BRF1: variants seen among roughly 807,000 people sequenced by gnomAD.
BRF1 encodes transcription factor IIIB 90 kDa subunit.
In BRF1, 59 loss-of-function variants were observed where a neutral mutation model predicts 81.7. The ratio of observed to expected loss-of-function variants is 0.72; its 90% CI spans 0.59 to 0.90. The LOEUF is 0.90. Ranked by LOEUF, BRF1 falls within the 40% of genes least tolerant of loss-of-function variation. The pLI, the probability that BRF1 is intolerant of heterozygous loss-of-function variation, is 0.00. For missense variants in BRF1, 1,050 were observed against 936.3 expected, an observed-to-expected ratio of 1.12 and a Z score of -1.58; for synonymous variants, 491 against 395.6, an observed-to-expected ratio of 1.24 and a Z score of -2.86.
Position 105,272,792 on chromosome 14 carries a change from G to A in BRF1, c.368C>T (p.Thr123Ile). 1 of 1,614,020 alleles carries A rather than the reference G, an allele frequency of 6.2e-7. No homozygotes were observed. The highest frequency in any genetic ancestry group is 8.5e-7 in the Non-Finnish European group (1 of 1,180,006). The stretch of plus-strand genomic sequence containing the variant: ...CACGTGGGCCATCTTCCGGCCGCGG[G>A]TCAGGTGCCTGCTCACGGCCATCTT... ...FFKMAVSRHL[T>I]RGRKMAHVIA... The change falls in exon 3 of 18, where the codon ACC becomes ATC. Residue 123 changes from threonine (T) to isoleucine (I), a missense_variant. By Grantham distance (89) the Thr-to-Ile change is moderately conservative. Coordinates refer to ENST00000547530, the MANE Select transcript of BRF1 (RefSeq NM_001519.4).
In BRF1 at chr14:105,226,355, G is replaced by C. The variant is rs1347875383; in HGVS notation, c.916-65C>G. On this transcript the variant is annotated intron_variant, in intron 8 of 17. Coordinates refer to ENST00000547530, the MANE Select transcript of BRF1 (RefSeq NM_001519.4). ...CCTGGTGCACAGCGCAGCCTCTGGG[G>C]TGCCGCGTGGGCCCCAGGGACCACA... 1.9e-6 allele frequency: 3 copies of C among 1,603,386 alleles called. No homozygotes were observed. The African/African-American group carries it at 4.0e-5, about 21-fold the overall frequency.
intron 5 of BRF1, chr14:105,247,598 G>A (rs587640755): frequency 4.3e-5 from 42 of 985,446 alleles, no homozygotes; most frequent in Non-Finnish European, 4.8e-5. Context: ...CAGAGACACA[G>A]AGCTCCTGTT....
chr14:105,215,777 TGCAC>T (rs1379136434), intron 15 of BRF1, among the ~76,000 whole-genome samples: 2 of 98,814 alleles, frequency 2.0e-5, no homozygotes, highest in East Asian at 6.6e-4. Context: ...GCACACACAC[TGCAC>T]ACACACACAT....
intron 2 of BRF1, among the ~76,000 whole-genome samples, chr14:105,285,642 G>A (rs370977590): frequency 2.0e-5 from 3 of 152,302 alleles, no homozygotes; most frequent in African/African-American, 7.2e-5. Flanking sequence ...CAGCCATCAA[G>A]AGACTAAATA....
Position 105,219,904 on chromosome 14 carries a change from G to A in BRF1, c.1377+165C>T, listed in dbSNP as rs587625611. On this transcript the variant is annotated intron_variant, in intron 12 of 17. Transcript: ENST00000547530. Reference sequence around the variant, plus strand: ...GCCGACACTGGAGAAGAGAGTGTGGGGGGGGGTCCCGGGAACAGTGGCCAG... The same window carrying A: ...GCCGACACTGGAGAAGAGAGTGTGGAGGGGGGTCCCGGGAACAGTGGCCAG... 7.2e-5 allele frequency: 53 copies of A among 731,178 alleles called. 1 individual carries two copies. The South Asian group carries it at 9.1e-4, about 13-fold the overall frequency. The allele number at this position is 731,178 out of a possible 1,614,324, so 45.3% of individuals were successfully genotyped here.
intron 5 of BRF1, chr14:105,250,474 C>G (rs779458988): frequency 1.9e-6 from 3 of 1,613,992 alleles, no homozygotes; most frequent in South Asian, 2.2e-5. Flanking sequence ...GGTTTGAACA[C>G]CCGGTCCAGG....
chr14:105,279,519 C>A (rs1226518188), intron 2 of BRF1, among the ~76,000 whole-genome samples: 1 of 150,038 alleles, frequency 6.7e-6, no homozygotes, highest in Non-Finnish European at 1.5e-5. Flanking sequence ...TACACACCTA[C>A]CAGAAAGACT....
At chr14:105,216,047 TAC>T (rs1204195009) in intron 15 of BRF1, among the ~76,000 whole-genome samples, 4 of 136,516 alleles carry the variant, frequency 2.9e-5, no homozygotes, top group South Asian at 2.3e-4. Flanking sequence ...ACACACTGCG[TAC>T]ACAGACACAG....
In BRF1 at chr14:105,307,486, C is replaced by T. The variant is rs115795916; in HGVS notation, c.-162+7836G>A. Reference sequence around the variant, plus strand: ...TGTCCTGACTGGCCCTGGGTGCTTCCCCACGTGCCCCTCCTCCTGGGAACT... The same window carrying T: ...TGTCCTGACTGGCCCTGGGTGCTTCTCCACGTGCCCCTCCTCCTGGGAACT... On this transcript the variant is annotated intron_variant, in intron 1 of 17. Transcript: ENST00000327359. 8.4e-3 allele frequency among the ~76,000 whole-genome samples: 1,283 copies of T among 152,302 alleles called. 25 individuals carry two copies. Among genetic ancestry groups the T allele is most frequent in the African/African-American group, 0.029 (1,220 of 41,550 alleles).
intron 5 of BRF1, chr14:105,248,453 G>A (rs1292520300): frequency 1.0e-6 from 1 of 985,162 alleles, no homozygotes; most frequent in Non-Finnish European, 1.2e-6. Flanking sequence ...TTGCTGGGCA[G>A]AAGCTCGAGC....
In BRF1 at chr14:105,209,346, C is replaced by T. The variant is rs1439059030; in HGVS notation, c.*1205G>A. 9 of 571,602 alleles carry T rather than the reference C, an allele frequency of 1.6e-5. No individual in the cohort carries two copies. Among genetic ancestry groups the T allele is most frequent in the African/African-American group, 3.8e-5 (2 of 52,366 alleles). 35.4% of individuals were successfully genotyped at this position (571,602 alleles called of 1,614,324 possible). ...TAAATCTATTCTTCCCCCAAGCCCTCGAGAAGCCCTGGCAGGACCCAGGCT... is the reference window on the plus strand; with the variant it reads ...TAAATCTATTCTTCCCCCAAGCCCTTGAGAAGCCCTGGCAGGACCCAGGCT... On this transcript the variant is annotated 3_prime_UTR_variant, in exon 18 of 18. Coordinates refer to ENST00000547530, the MANE Select transcript of BRF1 (RefSeq NM_001519.4).
At chr14:105,268,554 T>C (rs2056523053) in intron 3 of BRF1, among the ~76,000 whole-genome samples, 1 of 152,138 alleles carries the variant, frequency 6.6e-6, no homozygotes, top group East Asian at 1.9e-4. Flanking sequence ...CGGGCAACAA[T>C]GAAGGGTGGG....
chr14:105,290,894 G>A (rs112932938), intron 1 of BRF1, among the ~76,000 whole-genome samples: 22 of 151,954 alleles, frequency 1.4e-4, no homozygotes, highest in African/African-American at 4.8e-4. Context: ...TCACACCCTG[G>A]TGCGTGCACA....
At chr14:105,217,386 G>A (rs909999409) in intron 15 of BRF1, 158 bp downstream of exon 15, 123 of 1,197,960 alleles carry the variant, frequency 1.0e-4, no homozygotes, top group Admixed American at 3.7e-4. Context: ...TCAAGGTGCC[G>A]GAGAAGGCCC....
At chr14:105,272,234 G>A (rs952084896) in intron 3 of BRF1, among the ~76,000 whole-genome samples, 51 of 143,020 alleles carry the variant, frequency 3.6e-4, no homozygotes, top group African/African-American at 1.2e-3. Flanking sequence ...CGGTATCCAC[G>A]CACAAGGCCG....
intron 5 of BRF1, chr14:105,249,578 AG>A (rs771394642): frequency 6.3e-7 from 1 of 1,586,870 alleles, no homozygotes. Context: ...CTCCTCTCCC[AG>A]GCCCAGCCCC....
At chr14:105,285,335 C>A (rs1327365119) in intron 2 of BRF1, among the ~76,000 whole-genome samples, 1 of 152,234 alleles carries the variant, frequency 6.6e-6, no homozygotes, top group Non-Finnish European at 1.5e-5. Flanking sequence ...CTAAGCCAAA[C>A]TGAGGATCCA....
chr14:105,247,266 C>T, intron 5 of BRF1: 4 of 985,422 alleles, frequency 4.1e-6, no homozygotes, highest in Non-Finnish European at 4.8e-6. Flanking sequence ...AACGGCTTGG[C>T]CGTGCGGAGT....
At chr14:105,282,129 C>A (rs1297419280) in intron 2 of BRF1, among the ~76,000 whole-genome samples, 1 of 152,166 alleles carries the variant, frequency 6.6e-6, no homozygotes, top group Non-Finnish European at 1.5e-5. Context: ...GCTGGTGGAC[C>A]CGGAGCAGAT....
Sources: allele counts gnomAD v4.1 joint callset (sites outside exome capture counted in the v4.1 genomes callset), GRCh38; gene constraint gnomAD v4.1.1; transcripts MANE v1.5; gene names NCBI Gene and HGNC (gene_info 2026-07-23, HGNC 2026-07-21).